The following NUDT16L1 variants were observed in gnomAD, a reference collection of about 807,000 sequenced individuals.
NUDT16L1 encodes nudix hydrolase 16 like 1.
In NUDT16L1, 19 loss-of-function variants were observed where a neutral mutation model predicts 17.3. That is an observed-to-expected ratio of 1.10 (90% CI 0.77 to 1.61). The LOEUF is 1.61. Ranked by LOEUF, NUDT16L1 falls within the 40% of genes most tolerant of loss-of-function variation. The pLI is 0.00. For missense variants in NUDT16L1, 341 were observed against 292.0 expected, an observed-to-expected ratio of 1.17 and a Z score of -1.22; for synonymous variants, 255 against 138.6, an observed-to-expected ratio of 1.84 and a Z score of -5.90.
In NUDT16L1 at chr16:4,695,640, G is replaced by A. The variant is rs78956136; in HGVS notation, c.*461G>A. 1,335 of 416,940 alleles carry A rather than the reference G, an allele frequency of 3.2e-3. 15 individuals carry two copies. The highest frequency in any genetic ancestry group is 0.025 in the African/African-American group (1,207 of 49,192). The allele number at this position is 416,940 out of a possible 1,614,324, so 25.8% of individuals were successfully genotyped here. A position where few individuals can be genotyped will look rare whatever the true frequency, so the allele number is the denominator to read the frequency against. On this transcript the variant is annotated 3_prime_UTR_variant, in exon 3 of 3. Transcript: ENST00000304301. ...CCTGGGGGAGAGCCAGCTTGGGGTA[G>A]GAAGTTAATAATACTGTTAATTTGG...
chr16:4,694,052 C>T lies in NUDT16L1; in HGVS notation c.228C>T (p.Asp76=), dbSNP rs757134507. Residue 76 remains aspartate, a synonymous_variant, in exon 2 of 3, where the codon GAC becomes GAT. Transcript: ENST00000304301. ...ACCGGCGCTTCTGGTCGCTGGAGGACGGCCTGAACCGGGTGCTGGGCCTGG... is the reference window on the plus strand; with the variant it reads ...ACCGGCGCTTCTGGTCGCTGGAGGATGGCCTGAACCGGGTGCTGGGCCTGG... The T allele has an allele frequency of 3.8e-6, 6 of 1,585,436 alleles. No individual in the cohort carries two copies. The African/African-American group carries it at 7.0e-5, about 18-fold the overall frequency.
At chr16:4,695,218 A>G (rs761513361) in exon 3 of NUDT16L1, 4 of 1,593,770 alleles carry the variant, frequency 2.5e-6, no homozygotes, top group East Asian at 2.2e-5. Context: ...CTGGGCCGGA[A>G]GACTGGGAAT....
chr16:4,695,615 C>A, exon 3 of NUDT16L1: 1 of 421,068 alleles, frequency 2.4e-6, no homozygotes, highest in Non-Finnish European at 4.2e-6. Context: ...CAGTTCAGGG[C>A]CTGGGGGAGA....
Position 4,694,254 on chromosome 16 carries a change from G to A in NUDT16L1, c.414+16G>A. 2 of 1,461,794 alleles carry A rather than the reference G, an allele frequency of 1.4e-6. No individual in the cohort carries two copies. The highest frequency in any genetic ancestry group is 1.8e-6 in the Non-Finnish European group (2 of 1,113,730). The allele number at this position is 1,461,794 out of a possible 1,614,324, so 90.6% of individuals were successfully genotyped here. On this transcript the variant is annotated intron_variant, in intron 2 of 2. Coordinates refer to ENST00000304301, the Ensembl canonical transcript of NUDT16L1. ...CGGCCTGGAGGTGGGGCCGCCGCCC[G>A]GGCCCCGCCCCCCGCCCCGGGGTTT...
In NUDT16L1 at chr16:4,694,682, G is replaced by C; in HGVS notation, c.415-276G>C. On this transcript the variant is annotated intron_variant, in intron 2 of 2. Coordinates refer to ENST00000304301, the Ensembl canonical transcript of NUDT16L1. The stretch of plus-strand genomic sequence containing the variant: ...GCGGGTGTTCAGGCTTCGTTGGGTG[G>C]ACGGGGGGAGCATGGGGTGCGGACC... The C allele has an allele frequency of 4.2e-6, 6 of 1,421,706 alleles. No homozygotes were observed. In the South Asian group the frequency reaches 4.7e-5, roughly 11 times the overall value. The allele number at this position is 1,421,706 out of a possible 1,614,324, so 88.1% of individuals were successfully genotyped here.
At chr16:4,694,435 TG>T (rs1217608680) in intron 2 of NUDT16L1, 197 bp downstream of exon 2, 3 of 1,491,586 alleles carry the variant, frequency 2.0e-6, no homozygotes, top group South Asian at 2.5e-5. Flanking sequence ...GGGCCGGCGC[TG>T]GGGCTCCCTC....
intron 2 of NUDT16L1, 50 bp downstream of exon 2, chr16:4,694,288 C>A: frequency 6.8e-7 from 1 of 1,476,734 alleles, no homozygotes. Flanking sequence ...TTGGCTCTGG[C>A]CCCGTGGAAG....
intron 2 of NUDT16L1, 82 bp downstream of exon 2, chr16:4,694,320 C>T (rs748718703): frequency 3.4e-5 from 51 of 1,490,056 alleles, no homozygotes; most frequent in Non-Finnish European, 4.5e-5. Flanking sequence ...TAACACGTCT[C>T]CTGAGGGTCC....
chr16:4,694,446 C>T (rs1022457266), intron 2 of NUDT16L1: 23 of 1,522,232 alleles, frequency 1.5e-5, no homozygotes, highest in African/African-American at 4.1e-5. Flanking sequence ...GGGGCTCCCT[C>T]AGGGCTGTGT....
chr16:4,693,577 C>T, upstream of NUDT16L1: 3 of 872,010 alleles, frequency 3.4e-6, no homozygotes, highest in Admixed American at 4.5e-5. Flanking sequence ...CGCACCGCGG[C>T]GCTGCGAGGG....
In NUDT16L1 at chr16:4,694,939, C is replaced by CT; in HGVS notation, c.415-18dup. 6.3e-7 allele frequency: 1 copy of CT among 1,596,368 alleles called. No individual in the cohort carries two copies. The highest frequency in any genetic ancestry group is 8.5e-7 in the Non-Finnish European group (1 of 1,175,476). The stretch of plus-strand genomic sequence containing the variant: ...TGTGTGGCAGGCCTGGCCCCAACCC[C>CT]TACCTCCTGTCTGCGCAGGTGCTGG... On this transcript the variant is annotated intron_variant, in intron 2 of 2. Coordinates refer to ENST00000304301, the Ensembl canonical transcript of NUDT16L1.
chr16:4,694,159 T>G (rs2079483029), exon 2 of NUDT16L1: 1 of 1,585,434 alleles, frequency 6.3e-7, no homozygotes, highest in African/African-American at 1.4e-5. Flanking sequence ...GTGGCGCACC[T>G]GTACGCGCGG....
At chr16:4,695,115 C>G in exon 3 of NUDT16L1, 1 of 1,609,732 alleles carries the variant, frequency 6.2e-7, no homozygotes, top group Non-Finnish European at 8.5e-7. Flanking sequence ...CTGGTTGAGG[C>G]CCTGGCTGCA....
At chr16:4,694,158 C>T (rs868147710) in exon 2 of NUDT16L1, 2 of 1,586,010 alleles carry the variant, frequency 1.3e-6, no homozygotes, top group South Asian at 1.1e-5. Context: ...CGTGGCGCAC[C>T]TGTACGCGCG....
intron 2 of NUDT16L1, chr16:4,694,548 T>C (rs1236052420): frequency 2.1e-6 from 3 of 1,454,924 alleles, no homozygotes; most frequent in African/African-American, 1.4e-5. Context: ...CGGGGATTGC[T>C]TGGGGAGTTG....
chr16:4,695,548 A>C, exon 3 of NUDT16L1: 1 of 455,838 alleles, frequency 2.2e-6, no homozygotes, highest in Non-Finnish European at 3.9e-6. Flanking sequence ...AGAAGATGGG[A>C]TGTGTGGGTG....
upstream of NUDT16L1, chr16:4,693,687 G>A (rs1241338967): frequency 7.0e-6 from 10 of 1,434,202 alleles, no homozygotes; most frequent in Admixed American, 5.4e-5. Flanking sequence ...GCTCGCGCAT[G>A]CTCTTAAGTG....
chr16:4,693,905 A>C, intron 1 of NUDT16L1, 26 bp downstream of exon 1: 1 of 1,487,492 alleles, frequency 6.7e-7, no homozygotes, highest in East Asian at 2.8e-5. Context: ...GGCGCGGGCG[A>C]GGGTGCCGGC....
exon 2 of NUDT16L1, chr16:4,694,143 C>T (rs781534284): frequency 1.9e-6 from 3 of 1,587,876 alleles, no homozygotes; most frequent in Admixed American, 1.7e-5. Context: ...GGGCCCACAC[C>T]GCGTCGTGGC....
Sources: allele counts gnomAD v4.1 joint callset, GRCh38; gene constraint gnomAD v4.1.1; transcripts MANE v1.5; gene names NCBI Gene and HGNC (gene_info 2026-07-23, HGNC 2026-07-21).